Variants in AGAP1 observed in about 807,000 individuals in gnomAD.
The protein encoded by AGAP1 is ArfGAP with GTPase domain, ankyrin repeat and PH domain 1.
A neutral mutation model predicts 105.3 loss-of-function variants in AGAP1; 29 were observed. That is an observed-to-expected ratio of 0.28 (90% CI 0.21 to 0.38). AGAP1 has a LOEUF of 0.38. AGAP1 is among the 10% of genes least tolerant of loss of function. AGAP1 has a pLI of 1.00. For missense variants in AGAP1, 998 were observed against 1,165.1 expected, an observed-to-expected ratio of 0.86 and a Z score of 2.09; for synonymous variants, 509 against 485.9, an observed-to-expected ratio of 1.05 and a Z score of -0.63.
intron 13 of AGAP1, among the ~76,000 whole-genome samples, chr2:236,015,624 A>G (rs2056671434): frequency 6.6e-6 from 1 of 152,068 alleles, no homozygotes; most frequent in Non-Finnish European, 1.5e-5. Flanking sequence ...GAAAACCACC[A>G]CCATCAGCCC....
chr2:235,744,386 C>A lies in AGAP1; in HGVS notation c.397-312C>A, dbSNP rs989830409. Among the ~76,000 whole-genome samples the A allele has an allele frequency of 6.6e-6, 1 of 152,152 alleles. No homozygotes were observed. The highest frequency in any genetic ancestry group is 1.5e-5 in the Non-Finnish European group (1 of 68,034). Reference sequence around the variant, plus strand: ...GCGGGGCCGCCTTGGCAGGTCGGGGCAGCGGGCGGACAGGCCAGGAGCATG... The same window carrying A: ...GCGGGGCCGCCTTGGCAGGTCGGGGAAGCGGGCGGACAGGCCAGGAGCATG... On this transcript the variant is annotated intron_variant, in intron 4 of 17. Transcript: ENST00000304032. This position sits in a 1 kb window ranked among gnomAD's most constrained non-coding sequence, Gnocchi z 5.2.
chr2:235,728,324 T>TGTGTGTGTGTGTGTGTGTGTGTGTGC lies in AGAP1; in HGVS notation c.310+10683_310+10684insTGTGTGTGTGTGTGTGTGTGTGCGTG, dbSNP rs1553615538. Among the ~76,000 whole-genome samples, 4 of 150,946 alleles carry TGTGTGTGTGTGTGTGTGTGTGTGTGC rather than the reference T, an allele frequency of 2.6e-5. No individual in the cohort carries two copies. The highest frequency in any genetic ancestry group is 9.9e-5 in the African/African-American group (4 of 40,492). ...CTCTGTGTGTGTGTGTGTGTGTGTG[T>TGTGTGTGTGTGTGTGTGTGTGTGTGC]GTGCGTGCTCTTAAATCAATGTAAA... is the stretch of plus-strand genomic sequence containing the variant. On this transcript the variant is annotated intron_variant, in intron 3 of 17. Coordinates refer to ENST00000304032, the MANE Select transcript of AGAP1 (RefSeq NM_001037131.3). This position sits in a 1 kb window ranked among gnomAD's most constrained non-coding sequence, Gnocchi z 4.3.
rs756122665 is a variant in AGAP1, at chr2:235,734,421, GAC to G, written c.311-6539_311-6538del. 7.9e-5 allele frequency among the ~76,000 whole-genome samples: 12 copies of G among 151,746 alleles called. No homozygotes were observed. Among genetic ancestry groups the G allele is most frequent in the Admixed American group, 2.6e-4 (4 of 15,242 alleles). On this transcript the variant is annotated intron_variant, in intron 3 of 17. Coordinates refer to ENST00000304032, the MANE Select transcript of AGAP1 (RefSeq NM_001037131.3). The surrounding 1 kb of genome is among the most constrained non-coding windows in gnomAD (Gnocchi z 5.3). ...GGGTGGCCCCACTGCATCTTGATCA[GAC>G]ACTGCCATGAGGTCCCTCCCCTCTC...
chr2:236,029,410 G>A (rs888091941), intron 13 of AGAP1, among the ~76,000 whole-genome samples: 1 of 150,856 alleles, frequency 6.6e-6, no homozygotes, highest in African/African-American at 2.4e-5. Flanking sequence ...TGAGTAGCTG[G>A]TATTACAGGT....
intron 10 of AGAP1, among the ~76,000 whole-genome samples, chr2:235,896,505 C>T (rs1162917588): frequency 6.6e-6 from 1 of 152,212 alleles, no homozygotes; most frequent in Non-Finnish European, 1.5e-5. Flanking sequence ...CTTACCAGCA[C>T]TCTGGTCATG....
chr2:235,681,267 C>T (rs966505987), intron 1 of AGAP1, among the ~76,000 whole-genome samples: 2 of 152,184 alleles, frequency 1.3e-5, no homozygotes, highest in Admixed American at 6.5e-5. Context: ...CCTCGGCCTC[C>T]CAAAGTGCTG....
intron 13 of AGAP1, among the ~76,000 whole-genome samples, chr2:236,024,694 C>T (rs968312003): frequency 3.9e-5 from 6 of 152,182 alleles, no homozygotes; most frequent in Non-Finnish European, 7.3e-5. Context: ...AGGAGGGATT[C>T]CTTGTGAAAT....
At chr2:235,968,376 G>A (rs2054491808) in intron 12 of AGAP1, 86 bp from the exon 13 acceptor site, 7 of 1,482,664 alleles carry the variant, frequency 4.7e-6, no homozygotes, top group South Asian at 1.4e-5. Flanking sequence ...AGAGGAGCGT[G>A]GCTGTGCTGT....
At position 235,635,636 on chromosome 2, in the gene AGAP1, G is replaced by C. The variant is rs1195541469; in HGVS notation, c.164-73543G>C. Among the ~76,000 whole-genome samples, 1 of 151,910 alleles carries C rather than the reference G, an allele frequency of 6.6e-6. No homozygotes were observed. Among genetic ancestry groups the C allele is most frequent in the South Asian group, 2.1e-4 (1 of 4,812 alleles). ...CTAGATCAATGAGTTTTCTAGGGAG[G>C]CATCAGAGTTAGCCATGGCACCTTC... On this transcript the variant is annotated intron_variant, in intron 1 of 17. Coordinates refer to ENST00000304032, the MANE Select transcript of AGAP1 (RefSeq NM_001037131.3). This position sits in a 1 kb window ranked among gnomAD's most constrained non-coding sequence, Gnocchi z 5.3.
intron 10 of AGAP1, among the ~76,000 whole-genome samples, chr2:235,902,362 C>T (rs149226583): frequency 0.011 from 1,605 of 152,266 alleles, 15 homozygotes; most frequent in Non-Finnish European, 0.012. Context: ...TCCTCCTCTA[C>T]TACCTTAAAA....
chr2:235,848,959 G>A (rs1000975398), intron 9 of AGAP1, among the ~76,000 whole-genome samples: 1 of 152,218 alleles, frequency 6.6e-6, no homozygotes, highest in Non-Finnish European at 1.5e-5. Context: ...CCGTCCGTGT[G>A]CTTTGGAGGT....
chr2:236,044,323 C>T lies in AGAP1; in HGVS notation c.1891+3482C>T, dbSNP rs113614978. On this transcript the variant is annotated intron_variant, in intron 15 of 17. Coordinates refer to ENST00000304032, the MANE Select transcript of AGAP1 (RefSeq NM_001037131.3). This position sits in a 1 kb window ranked among gnomAD's most constrained non-coding sequence, Gnocchi z 5.7. ...GGAACATGCCAAGGAAAGTCCACAC[C>T]TGAGGGCCCCTGAGAATCCTAGGGC... 1.5e-3 allele frequency among the ~76,000 whole-genome samples: 224 copies of T among 152,274 alleles called. 1 individual carries two copies. Among genetic ancestry groups the T allele is most frequent in the African/African-American group, 5.2e-3 (215 of 41,546 alleles).
rs1947247159 is a variant in AGAP1, at chr2:235,642,943, G to A, written c.164-66236G>A. On this transcript the variant is annotated intron_variant, in intron 1 of 17. Transcript: ENST00000304032. This position sits in a 1 kb window ranked among gnomAD's most constrained non-coding sequence, Gnocchi z 4.1. ...TGCCATGACAAGGCACGGTGGTGGT[G>A]GGGACCTGGCAAGGTACCGAACGGT... 2.0e-5 allele frequency among the ~76,000 whole-genome samples: 3 copies of A among 152,162 alleles called. No individual in the cohort carries two copies. Among genetic ancestry groups the A allele is most frequent in the Non-Finnish European group, 4.4e-5 (3 of 68,036 alleles).
chr2:235,857,425 C>G (rs558484723), intron 9 of AGAP1, among the ~76,000 whole-genome samples: 16 of 152,144 alleles, frequency 1.1e-4, no homozygotes, highest in Admixed American at 2.6e-4. Flanking sequence ...GATCCTTTGA[C>G]GAGCGTCCCC....
Position 235,750,322 on chromosome 2 carries a change from C to G in AGAP1, c.539-32C>G, listed in dbSNP as rs767954745. On this transcript the variant is annotated intron_variant, in intron 5 of 17. Transcript: ENST00000304032. The surrounding 1 kb of genome is among the most constrained non-coding windows in gnomAD (Gnocchi z 5.3). ...GAAGTATTTAGAGCTGTCATTGTCA[C>G]TGTGCCGTTACTTTTTGGTCTTCTG... The G allele has an allele frequency of 1.2e-6, 2 of 1,613,340 alleles. No homozygotes were observed.
chr2:236,042,791 G>A lies in AGAP1; in HGVS notation c.1891+1950G>A, dbSNP rs2057592743. ...CAAGACCACCTGAGCAGATGGACAG[G>A]GACAAAGGGAAAAGGCAGAGTTTGA... On this transcript the variant is annotated intron_variant, in intron 15 of 17. Coordinates refer to ENST00000304032, the MANE Select transcript of AGAP1 (RefSeq NM_001037131.3). This position sits in a 1 kb window ranked among gnomAD's most constrained non-coding sequence, Gnocchi z 5.6. 6.6e-6 allele frequency among the ~76,000 whole-genome samples: 1 copy of A among 152,144 alleles called. No homozygotes were observed. The highest frequency in any genetic ancestry group is 1.5e-5 in the Non-Finnish European group (1 of 68,020).
chr2:235,652,530 C>G (rs574447656), intron 1 of AGAP1, among the ~76,000 whole-genome samples: 2 of 152,190 alleles, frequency 1.3e-5, no homozygotes, highest in Admixed American at 6.5e-5. Context: ...GGAGACACCA[C>G]ATCATCATTT....
At chr2:235,627,449 T>C (rs1358323731) in intron 1 of AGAP1, among the ~76,000 whole-genome samples, 1 of 152,140 alleles carries the variant, frequency 6.6e-6, no homozygotes, top group Non-Finnish European at 1.5e-5. Context: ...GGTCTCGAAC[T>C]CCTGATCTCA....
intron 1 of AGAP1, among the ~76,000 whole-genome samples, chr2:235,530,305 T>C (rs1055873731): frequency 1.3e-5 from 2 of 152,160 alleles, no homozygotes; most frequent in Non-Finnish European, 2.9e-5. Flanking sequence ...GATATCCCGT[T>C]AGACTGTGCT....
Sources: gnomAD v4.1 joint callset for allele counts (sites outside exome capture counted in the v4.1 genomes callset) on GRCh38, gnomAD v4.1.1 for gene constraint, Gnocchi (gnomAD v3.1) non-coding constraint, MANE v1.5 for transcripts, NCBI Gene and HGNC (gene_info 2026-07-23, HGNC 2026-07-21) for gene names.